Variants in CDH13 observed in about 807,000 individuals in gnomAD.
CDH13 encodes cadherin-13.
CDH13 carries 24 observed loss-of-function variants against 63.8 expected under a neutral mutation model. That is an observed-to-expected ratio of 0.38 (90% CI 0.27 to 0.53). CDH13 has a LOEUF of 0.53. CDH13 is among the 20% of genes least tolerant of loss of function. The pLI, the probability that CDH13 is intolerant of heterozygous loss-of-function variation, is 0.85. For missense variants in CDH13, 1,049 were observed against 903.1 expected, an observed-to-expected ratio of 1.16 and a Z score of -2.07; for synonymous variants, 503 against 355.3, an observed-to-expected ratio of 1.42 and a Z score of -4.67.
rs191788870 is a variant in CDH13, at chr16:82,774,506, T to C, written c.46-83856T>C. Among the ~76,000 whole-genome samples, 640 of 152,332 alleles carry C rather than the reference T, an allele frequency of 4.2e-3. 1 individual carries two copies. The highest frequency in any genetic ancestry group is 6.5e-3 in the Non-Finnish European group (441 of 68,022). ...TCAGGGTCTACCACTGTGTATTCTT[T>C]AGGAGGTTTCAATCTTGACCTTCAG... On this transcript the variant is annotated intron_variant, in intron 1 of 13. Transcript: ENST00000567109.
intron 2 of CDH13, among the ~76,000 whole-genome samples, chr16:82,952,888 G>T (rs1420305759): frequency 6.6e-6 from 1 of 152,172 alleles, no homozygotes; most frequent in African/African-American, 2.4e-5. Context: ...ACTGAAGCCA[G>T]CTGGAAACCA....
intron 6 of CDH13, among the ~76,000 whole-genome samples, chr16:83,360,266 C>A (rs374048086): frequency 4.3e-4 from 65 of 152,254 alleles, no homozygotes; most frequent in African/African-American, 1.6e-3. Context: ...CTGAGATATT[C>A]GACAATGTAC....
intron 6 of CDH13, among the ~76,000 whole-genome samples, chr16:83,394,930 C>T (rs567464889): frequency 6.6e-6 from 1 of 152,158 alleles, no homozygotes; most frequent in African/African-American, 2.4e-5. Flanking sequence ...GGCGGATCAC[C>T]TGTGGTCAGG....
chr16:83,425,905 G>A (rs1443612073), intron 6 of CDH13, among the ~76,000 whole-genome samples: 3 of 151,998 alleles, frequency 2.0e-5, no homozygotes, highest in African/African-American at 4.8e-5. Flanking sequence ...TACAGATACA[G>A]CATTGAACCA....
intron 3 of CDH13, among the ~76,000 whole-genome samples, chr16:83,066,848 G>T (rs973135224): frequency 6.6e-6 from 1 of 152,150 alleles, no homozygotes; most frequent in Middle Eastern, 3.2e-3. Flanking sequence ...ATAATCAGAA[G>T]GCTGCTTAGT....
At chr16:82,633,579 G>A (rs561894345) in intron 1 of CDH13, among the ~76,000 whole-genome samples, 68 of 152,188 alleles carry the variant, frequency 4.5e-4, no homozygotes, top group Admixed American at 1.1e-3. Context: ...GGGTTTCACT[G>A]TCTTGGCCAG....
intron 13 of CDH13, among the ~76,000 whole-genome samples, chr16:83,791,040 G>T (rs1916229850): frequency 6.6e-6 from 1 of 152,114 alleles, no homozygotes; most frequent in South Asian, 2.1e-4. Context: ...GGAGTGGGCA[G>T]GGCACAGTGG....
intron 2 of CDH13, among the ~76,000 whole-genome samples, chr16:83,015,677 G>GTATGTATA (rs1555562893): frequency 1.6e-4 from 6 of 37,568 alleles, no homozygotes; most frequent in Admixed American, 4.7e-4. Flanking sequence ...GTGTGTGTAT[G>GTATGTATA]TATATATATA....
intron 4 of CDH13, among the ~76,000 whole-genome samples, chr16:83,156,965 G>T (rs1260983168): frequency 6.6e-6 from 1 of 152,094 alleles, no homozygotes; most frequent in Non-Finnish European, 1.5e-5. Context: ...TCTAAAATTC[G>T]AACAAGGGTG....
intron 1 of CDH13, among the ~76,000 whole-genome samples, chr16:82,835,041 A>G (rs1267114108): frequency 1.3e-5 from 2 of 152,236 alleles, no homozygotes; most frequent in Non-Finnish European, 2.9e-5. Flanking sequence ...TGCTAAAAGA[A>G]GTAAAAAGAA....
intron 1 of CDH13, among the ~76,000 whole-genome samples, chr16:82,685,385 C>G (rs1201531274): frequency 1.3e-5 from 2 of 152,110 alleles, no homozygotes; most frequent in Non-Finnish European, 2.9e-5. Context: ...GGTACTAATC[C>G]CATTCATAAT....
chr16:83,709,271 A>T (rs1907637275), intron 10 of CDH13, among the ~76,000 whole-genome samples: 1 of 152,344 alleles, frequency 6.6e-6, no homozygotes, highest in South Asian at 2.1e-4. Context: ...TTGTGGGACT[A>T]TAAGAATAAA....
chr16:82,802,447 C>G (rs1479766402), intron 1 of CDH13, among the ~76,000 whole-genome samples: 1 of 152,140 alleles, frequency 6.6e-6, no homozygotes, highest in African/African-American at 2.4e-5. Context: ...AAAGGACATT[C>G]AGTGATCTGT....
At chr16:83,094,496 C>G (rs1363123417) in intron 3 of CDH13, among the ~76,000 whole-genome samples, 1 of 152,162 alleles carries the variant, frequency 6.6e-6, no homozygotes, top group African/African-American at 2.4e-5. Context: ...GGACAAGGAG[C>G]TGAGGTCTTA....
At chr16:82,850,661 C>T (rs942649209) in intron 1 of CDH13, among the ~76,000 whole-genome samples, 2 of 152,118 alleles carry the variant, frequency 1.3e-5, no homozygotes, top group Non-Finnish European at 2.9e-5. Context: ...AGAAATCATT[C>T]GTGAAAGGAA....
At chr16:83,743,036 C>T (rs429054) in intron 10 of CDH13, among the ~76,000 whole-genome samples, 147,825 of 152,280 alleles carry the variant, frequency 0.97, 71,877 homozygotes, top group Middle Eastern at 1. Flanking sequence ...GGTGAAACCC[C>T]GCTCTACTAA....
chr16:82,713,788 T>C (rs1345527140), intron 1 of CDH13, among the ~76,000 whole-genome samples: 3 of 142,956 alleles, frequency 2.1e-5, no homozygotes, highest in Non-Finnish European at 3.0e-5. Flanking sequence ...TTAGCTTCTT[T>C]AGGGCTTCTG....
intron 10 of CDH13, among the ~76,000 whole-genome samples, chr16:83,727,980 G>A (rs1910608293): frequency 6.6e-6 from 1 of 152,218 alleles, no homozygotes; most frequent in South Asian, 2.1e-4. Flanking sequence ...AAAACTGCCT[G>A]AGGGAAGGCG....
At chr16:82,942,086 T>A (rs1270553449) in intron 2 of CDH13, among the ~76,000 whole-genome samples, 1 of 152,234 alleles carries the variant, frequency 6.6e-6, no homozygotes, top group East Asian at 1.9e-4. Flanking sequence ...GGCTTATTGC[T>A]TCTTGTGTCC....
Sources: allele counts gnomAD v4.1 joint callset (sites outside exome capture counted in the v4.1 genomes callset), GRCh38; gene constraint gnomAD v4.1.1; transcripts MANE v1.5; gene names NCBI Gene and HGNC (gene_info 2026-07-23, HGNC 2026-07-21).